The following VPS13A variants were observed in gnomAD, a reference collection of about 807,000 sequenced individuals.
VPS13A encodes the protein vacuolar protein sorting 13 homolog A.
In VPS13A, 264 loss-of-function variants were observed where a neutral mutation model predicts 390.9. The observed-to-expected ratio is 0.68, with a 90% CI of 0.61 to 0.75. The LOEUF is 0.75. Ranked by LOEUF, VPS13A falls within the 30% of genes least tolerant of loss-of-function variation. The pLI is 0.00. For missense variants in VPS13A, 3,409 were observed against 3,733.9 expected, an observed-to-expected ratio of 0.91 and a Z score of 2.27; for synonymous variants, 1,231 against 1,227.1, an observed-to-expected ratio of 1.00 and a Z score of -0.07.
At chr9:77,244,506 C>A (rs919699505) in intron 19 of VPS13A, among the ~76,000 whole-genome samples, 1 of 152,146 alleles carries the variant, frequency 6.6e-6, no homozygotes, top group Admixed American at 6.6e-5. Context: ...TGCTGTGAAA[C>A]CACCTGAGGA....
intron 40 of VPS13A, among the ~76,000 whole-genome samples, 159 bp from the exon 41 acceptor site, chr9:77,318,076 T>C (rs1402996935): frequency 6.6e-6 from 1 of 151,964 alleles, no homozygotes; most frequent in Non-Finnish European, 1.5e-5. Context: ...ACAAGAATTA[T>C]GGTAATTTAA....
chr9:77,400,983 A>C (rs774581685), intron 68 of VPS13A, among the ~76,000 whole-genome samples: 1 of 152,150 alleles, frequency 6.6e-6, no homozygotes, highest in African/African-American at 2.4e-5. Flanking sequence ...CATTTATTTG[A>C]TAATACATGT....
Position 77,283,667 on chromosome 9 carries a change from T to G in VPS13A, c.3339+17T>G, listed in dbSNP as rs1212799976. 3.9e-6 allele frequency: 6 copies of G among 1,536,622 alleles called. No individual in the cohort carries two copies. The highest frequency in any genetic ancestry group is 5.4e-6 in the Non-Finnish European group (6 of 1,119,248). The stretch of plus-strand genomic sequence containing the variant: ...TACAAAAAGGTAAGAATTCTTTTAA[T>G]TAAATAATAGTACATCATTAAATAG... On this transcript the variant is annotated intron_variant, in intron 31 of 71. Coordinates refer to ENST00000360280, the MANE Select transcript of VPS13A (RefSeq NM_033305.3).
intron 10 of VPS13A, among the ~76,000 whole-genome samples, chr9:77,218,304 G>A (rs1822981744): frequency 6.6e-6 from 1 of 151,900 alleles, no homozygotes; most frequent in Non-Finnish European, 1.5e-5. Context: ...AAATACAGAT[G>A]GGGTTTCACT....
At chr9:77,235,667 C>T (rs1021303546) in intron 17 of VPS13A, among the ~76,000 whole-genome samples, 3 of 152,090 alleles carry the variant, frequency 2.0e-5, no homozygotes, top group African/African-American at 7.2e-5. Flanking sequence ...CGGAGAGTCC[C>T]GTAGTGCATA....
At chr9:77,263,770 T>C (rs527764630) in intron 23 of VPS13A, among the ~76,000 whole-genome samples, 1 of 152,366 alleles carries the variant, frequency 6.6e-6, no homozygotes, top group East Asian at 1.9e-4. Context: ...TTTGTCAATT[T>C]TGGCTTTTGT....
At chr9:77,247,729 T>TGGCTCACTGCAACCTC (rs1030420897) in intron 20 of VPS13A, among the ~76,000 whole-genome samples, 1 of 152,148 alleles carries the variant, frequency 6.6e-6, no homozygotes, top group African/African-American at 2.4e-5. Flanking sequence ...ACTGCGACCT[T>TGGCTCACTGCAACCTC]GGCTCACTGC....
rs566722890 is a variant in VPS13A at position 77,325,401 on chromosome 9, G to GTTT, written c.5991+2190_5991+2192dup. ...TGTAGCCACCATGTAGTTAGACCTTGTTTTTTTTTTTTTTTTTTAACATAA... is the reference window on the plus strand; with the variant it reads ...TGTAGCCACCATGTAGTTAGACCTTGTTTTTTTTTTTTTTTTTTTTTAACATAA... On this transcript the variant is annotated intron_variant, in intron 45 of 71. Coordinates refer to ENST00000360280, the MANE Select transcript of VPS13A (RefSeq NM_033305.3). Among the ~76,000 whole-genome samples, 878 of 123,400 alleles carry GTTT rather than the reference G, an allele frequency of 7.1e-3. 10 individuals are homozygous for GTTT. Among genetic ancestry groups the GTTT allele is most frequent in the African/African-American group, 0.025 (847 of 34,320 alleles). The allele number at this position is 123,400 out of a possible 152,430, so 81.0% of individuals were successfully genotyped here.
At chr9:77,369,192 G>C (rs1014241721) in intron 62 of VPS13A, 107 bp from the exon 63 acceptor site, 6 of 794,928 alleles carry the variant, frequency 7.5e-6, no homozygotes, top group Non-Finnish European at 1.3e-5. Context: ...GTTGAAATTG[G>C]CATTAAAGGT....
intron 45 of VPS13A, 74 bp downstream of exon 45, chr9:77,323,301 A>G: frequency 2.0e-6 from 3 of 1,506,198 alleles, no homozygotes; most frequent in Non-Finnish European, 2.8e-6. Flanking sequence ...AACAACAACA[A>G]CAAATTATTA....
intron 13 of VPS13A, among the ~76,000 whole-genome samples, chr9:77,223,470 A>G (rs1823335384): frequency 6.6e-6 from 1 of 152,152 alleles, no homozygotes. Flanking sequence ...GGAAATTGAA[A>G]GTGCTATTCC....
chr9:77,245,207 T>C (rs1003574620), intron 19 of VPS13A, among the ~76,000 whole-genome samples: 7 of 152,188 alleles, frequency 4.6e-5, no homozygotes, highest in African/African-American at 1.4e-4. Flanking sequence ...AGAGAAATCA[T>C]TGTGTCCTGG....
chr9:77,286,385 A>G (rs1475328845), intron 31 of VPS13A, among the ~76,000 whole-genome samples: 1 of 152,138 alleles, frequency 6.6e-6, no homozygotes, highest in Non-Finnish European at 1.5e-5. Context: ...TAAATGGGAG[A>G]GTTCACCAGT....
At chr9:77,185,864 C>T (rs930964189) in intron 1 of VPS13A, among the ~76,000 whole-genome samples, 2 of 152,206 alleles carry the variant, frequency 1.3e-5, no homozygotes, top group African/African-American at 2.4e-5. Flanking sequence ...TAGTGGCTCA[C>T]GCCTGTAATT....
At chr9:77,379,869 G>C (rs906561681) in intron 67 of VPS13A, among the ~76,000 whole-genome samples, 1 of 152,110 alleles carries the variant, frequency 6.6e-6, no homozygotes. Flanking sequence ...GGGTCTAGTG[G>C]ATTATAGTGT....
At chr9:77,314,828 G>C (rs980067974) in intron 37 of VPS13A, among the ~76,000 whole-genome samples, 164 bp downstream of exon 37, 4 of 152,022 alleles carry the variant, frequency 2.6e-5, no homozygotes, top group Non-Finnish European at 5.9e-5. Flanking sequence ...AAAATGTCCT[G>C]GTTCTGTTAT....
chr9:77,370,203 CTT>C (rs1268437372), intron 63 of VPS13A, 52 bp from the exon 64 acceptor site: 1 of 1,590,768 alleles, frequency 6.3e-7, no homozygotes, highest in Non-Finnish European at 8.6e-7. Context: ...GTAAGCTCAT[CTT>C]TAAAAGTGAA....
intron 68 of VPS13A, among the ~76,000 whole-genome samples, chr9:77,399,853 CAT>C (rs1834293545): frequency 6.6e-6 from 1 of 152,172 alleles, no homozygotes; most frequent in African/African-American, 2.4e-5. Context: ...TGCACAGATA[CAT>C]GTACGTACAA....
chr9:77,278,906 G>A (rs1046386637), intron 26 of VPS13A, among the ~76,000 whole-genome samples: 2 of 152,222 alleles, frequency 1.3e-5, no homozygotes, highest in African/African-American at 2.4e-5. Context: ...ACATGCCACA[G>A]GGGTGTGTAT....
Sources: allele counts gnomAD v4.1 joint callset (sites outside exome capture counted in the v4.1 genomes callset), GRCh38; gene constraint gnomAD v4.1.1; transcripts MANE v1.5; gene names NCBI Gene and HGNC (gene_info 2026-07-23, HGNC 2026-07-21).